The following CEP350 variants were observed in gnomAD, a reference collection of about 807,000 sequenced individuals.
CEP350 encodes centrosome-associated protein 350.
A neutral mutation model predicts 331.8 loss-of-function variants in CEP350; 126 were observed. The observed-to-expected ratio is 0.38, with a 90% CI of 0.33 to 0.44. The LOEUF (loss-of-function observed/expected upper bound fraction) is 0.44. Among genes scored for constraint, CEP350 ranks in the 20% least tolerant of loss-of-function variants. The probability of loss-of-function intolerance (pLI) is 1.00; values close to 1 mark genes in which losing one functional copy is unlikely to be tolerated. For synonymous variants in CEP350, 1,200 were observed against 1,259.5 expected (o/e 0.95, Z 1.00); for missense variants, 3,406 against 3,634.6 (o/e 0.94, Z 1.62).
chr1:179,990,070 T>C (rs1401476114), intron 3 of CEP350, among the ~76,000 whole-genome samples: 9 of 151,902 alleles, frequency 5.9e-5, no homozygotes, highest in Admixed American at 5.9e-4. Context: ...ACGCCTGTAA[T>C]CCCAGCCTCT....
intron 1 of CEP350, chr1:179,969,181 G>T: frequency 1.8e-6 from 1 of 556,334 alleles, no homozygotes; most frequent in Non-Finnish European, 3.4e-6. Flanking sequence ...GGGAAGTTCT[G>T]TGTGTGTGTG....
At chr1:180,016,789 G>C (rs1283425395) in intron 11 of CEP350, among the ~76,000 whole-genome samples, 2 of 150,348 alleles carry the variant, frequency 1.3e-5, no homozygotes, top group African/African-American at 2.4e-5. Flanking sequence ...AACTTCCCAC[G>C]TAGCTGGGAT....
intron 14 of CEP350, among the ~76,000 whole-genome samples, chr1:180,026,847 A>G (rs188676397): frequency 6.6e-6 from 1 of 152,130 alleles, no homozygotes; most frequent in Non-Finnish European, 1.5e-5. Flanking sequence ...TGTGTATGCC[A>G]TATTTTGTTT....
At position 180,020,289 on chromosome 1, in the gene CEP350, A is replaced by G. The variant is rs1307832000; in HGVS notation, c.2515A>G (p.Ile839Val). ...KATAASLSSR[I>V]ESEAKKLAGA... The stretch of plus-strand genomic sequence containing the variant: ...AACAGCTGCTTCTTTGTCCAGCAGA[A>G]TTGAAAGTGAAGCCAAGAAATTAGC... Residue 839 changes from isoleucine to valine, a missense_variant, in exon 12 of 38, where the codon ATT becomes GTT. By Grantham distance (29) the Ile-to-Val change is conservative. This residue lies in a region of CEP350 where 1,857 missense variants were observed against 1,909.2 expected (regional missense o/e 0.97). Transcript: ENST00000367607. 6.2e-7 allele frequency: 1 copy of G among 1,614,030 alleles called. No homozygotes were observed. Among genetic ancestry groups the G allele is most frequent in the Non-Finnish European group, 8.5e-7 (1 of 1,179,894 alleles).
At chr1:180,072,676 G>C (rs1267879484) in intron 27 of CEP350, among the ~76,000 whole-genome samples, 2 of 152,044 alleles carry the variant, frequency 1.3e-5, no homozygotes, top group Non-Finnish European at 2.9e-5. Flanking sequence ...GTAAGTGAAG[G>C]GGAAATGAAA....
rs979509435 is a variant in CEP350 at position 180,102,443 on chromosome 1, C to G, written c.9189+3458C>G. Among the ~76,000 whole-genome samples the G allele has an allele frequency of 5.3e-5, 8 of 152,172 alleles. No individual in the cohort carries two copies. In the East Asian group the frequency reaches 1.2e-3, roughly 22 times the overall value. On this transcript the variant is annotated intron_variant, in intron 37 of 37. Coordinates refer to ENST00000367607, the MANE Select transcript of CEP350 (RefSeq NM_014810.5). Reference sequence around the variant, plus strand: ...GAGCCACCGCACCTGGCCAACCCCCCACATTTTAACAAGACTATAACAAGG... The same window carrying G: ...GAGCCACCGCACCTGGCCAACCCCCGACATTTTAACAAGACTATAACAAGG...
At chr1:180,096,002 ATTTTGTTTTG>A (rs770331473) in intron 35 of CEP350, 26 bp from the exon 36 acceptor site, 51 of 1,546,438 alleles carry the variant, frequency 3.3e-5, no homozygotes, top group Middle Eastern at 1.7e-4. Context: ...ATTCTTAGCC[ATTTTGTTTTG>A]TTTTGTTTTG....
chr1:180,056,035 A>G (rs1424166966), intron 25 of CEP350, among the ~76,000 whole-genome samples: 1 of 151,940 alleles, frequency 6.6e-6, no homozygotes, highest in Non-Finnish European at 1.5e-5. Context: ...GTTTCTTTTC[A>G]CTTTCTTGAT....
At chr1:180,042,132 TCA>T (rs59048123) in intron 19 of CEP350, among the ~76,000 whole-genome samples, 23,321 of 146,660 alleles carry the variant, frequency 0.16, 1,839 homozygotes, top group East Asian at 0.2. Flanking sequence ...GAGTTTTCTC[TCA>T]CACACACACA....
chr1:180,021,200 A>G (rs1351646029), intron 12 of CEP350, among the ~76,000 whole-genome samples, 191 bp downstream of exon 12: 1 of 152,196 alleles, frequency 6.6e-6, no homozygotes, highest in Admixed American at 6.5e-5. Context: ...TAATCTTTAA[A>G]ATTTCATTTT....
chr1:180,111,404 C>T lies in CEP350; in HGVS notation c.*243C>T, dbSNP rs1661461974. Reference sequence around the variant, plus strand: ...GGCAGGGTTGCACAGTGTAATCCTACACCTTTTGCTAACACCCCTACTAGG... The same window carrying T: ...GGCAGGGTTGCACAGTGTAATCCTATACCTTTTGCTAACACCCCTACTAGG... On this transcript the variant is annotated 3_prime_UTR_variant, in exon 38 of 38. Transcript: ENST00000367607. 1 of 354,014 alleles carries T rather than the reference C, an allele frequency of 2.8e-6. No individual in the cohort carries two copies. The highest frequency in any genetic ancestry group is 5.0e-6 in the Non-Finnish European group (1 of 198,836). The allele number at this position is 354,014 out of a possible 1,614,324, so 21.9% of individuals were successfully genotyped here. A position where few individuals can be genotyped will look rare whatever the true frequency, so the allele number is the denominator to read the frequency against.
At chr1:180,037,145 A>T (rs2148899934) in intron 17 of CEP350, 56 bp downstream of exon 17, 2 of 1,431,310 alleles carry the variant, frequency 1.4e-6, no homozygotes, top group East Asian at 5.1e-5. Context: ...CGCTATTTAA[A>T]ATGGTCTTAA....
intron 20 of CEP350, 100 bp downstream of exon 20, chr1:180,043,292 C>A: frequency 7.3e-7 from 1 of 1,378,226 alleles, no homozygotes; most frequent in African/African-American, 1.5e-5. Flanking sequence ...AGGCATTATT[C>A]TTGGTTGAGA....
chr1:180,105,466 C>T (rs1356008952), intron 37 of CEP350, among the ~76,000 whole-genome samples: 2 of 152,120 alleles, frequency 1.3e-5, no homozygotes, highest in Non-Finnish European at 2.9e-5. Flanking sequence ...ATTTGGATGT[C>T]TATTAGACAT....
intron 1 of CEP350, among the ~76,000 whole-genome samples, chr1:179,977,991 A>G (rs1283817540): frequency 6.6e-6 from 1 of 150,982 alleles, no homozygotes; most frequent in East Asian, 1.9e-4. Flanking sequence ...TAAAATATGT[A>G]TTTTTATTTT....
In CEP350 at chr1:179,990,550, C is replaced by G. The variant is rs779430253; in HGVS notation, c.164C>G (p.Thr55Arg). 4.4e-6 allele frequency: 7 copies of G among 1,605,418 alleles called. No homozygotes were observed. Among genetic ancestry groups the G allele is most frequent in the Non-Finnish European group, 6.0e-6 (7 of 1,175,406 alleles). The part of the protein sequence containing the change: ...ENKLEVAPTS[T>R]AVCDSVMDTK... ...AAATTAGAAGTAGCCCCTACAAGTA[C>G]AGCTGTGTGTGATTCTGTCATGGAT... The change falls in exon 4 of 38, where the codon ACA becomes AGA. Residue 55 changes from threonine to arginine, a missense_variant. Coordinates refer to ENST00000367607, the MANE Select transcript of CEP350 (RefSeq NM_014810.5).
chr1:180,070,379 G>C (rs1658807057), intron 27 of CEP350, among the ~76,000 whole-genome samples: 1 of 152,084 alleles, frequency 6.6e-6, no homozygotes, highest in African/African-American at 2.4e-5. Flanking sequence ...TATCAGCTCG[G>C]TGGGCAACAA....
chr1:179,969,810 A>G (rs147127596), intron 1 of CEP350, among the ~76,000 whole-genome samples: 1 of 152,086 alleles, frequency 6.6e-6, no homozygotes, highest in East Asian at 1.9e-4. Flanking sequence ...AAAAATATAC[A>G]CTGAAAAATC....
At chr1:180,052,010 C>T (rs1571925757) in intron 22 of CEP350, among the ~76,000 whole-genome samples, 1 of 152,178 alleles carries the variant, frequency 6.6e-6, no homozygotes, top group South Asian at 2.1e-4. Context: ...GGATCATAGA[C>T]ATAAGTACGA....
Sources: gnomAD v4.1 joint callset for allele counts (sites outside exome capture counted in the v4.1 genomes callset) on GRCh38, gnomAD v4.1.1 for gene constraint, gnomAD v4.1.1 regional missense constraint, MANE v1.5 for transcripts, NCBI Gene and HGNC (gene_info 2026-07-23, HGNC 2026-07-21) for gene names.